The following NUDT8 variants were observed in gnomAD, a reference collection of about 807,000 sequenced individuals.
The protein encoded by NUDT8 is mitochondrial coenzyme A diphosphatase NUDT8.
Under a neutral mutation model 12.5 loss-of-function variants are expected in NUDT8, and 14 were observed. That is an observed-to-expected ratio of 1.12 (90% confidence interval 0.74 to 1.75). NUDT8 has a LOEUF of 1.75. Among genes scored for constraint, NUDT8 ranks in the 40% most tolerant of loss-of-function variants. The probability of loss-of-function intolerance (pLI) is 0.00; values close to 1 mark genes in which losing one functional copy is unlikely to be tolerated. For synonymous variants in NUDT8, 163 were observed against 156.2 expected (o/e 1.04, Z -0.33); for missense variants, 337 against 318.5 (o/e 1.06, Z -0.44).
Position 67,629,702 on chromosome 11 carries a change from T to C in NUDT8, c.194+16A>G. On this transcript the variant is annotated intron_variant, in intron 1 of 3. Transcript: ENST00000376693. The stretch of plus-strand genomic sequence containing the variant: ...GTAGCCTCCGGCAAAGGGCGAGGAG[T>C]TCCCGGCCGCTGTACCTGACGTCGC... 6.8e-7 allele frequency: 1 copy of C among 1,460,682 alleles called. No individual in the cohort carries two copies. Among genetic ancestry groups the C allele is most frequent in the African/African-American group, 1.5e-5 (1 of 67,636 alleles). 90.5% of individuals were successfully genotyped at this position (1,460,682 alleles called of 1,614,324 possible).
rs1855178004 is a variant in NUDT8 at position 67,629,743 on chromosome 11, TC to T, written c.168del (p.Thr57ProfsTer65). The T allele has an allele frequency of 6.5e-7, 1 of 1,542,036 alleles. No homozygotes were observed. The highest frequency in any genetic ancestry group is 8.7e-7 in the Non-Finnish European group (1 of 1,150,190). On this transcript the variant is annotated frameshift_variant, in exon 1 of 4. Transcript: ENST00000376693. LOFTEE classifies it high-confidence loss of function. ...CTGACGTCGCCCTTGTGCCTCCCGG[TC>T]AGGCGGCTGGACCGCAGCGTGTACA... ...ALLYTLRSSRLTGRHKGDVSF... is the reference protein window; with the variant it reads ...ALLYTLRSSRXTGRHKGDVSF...
chr11:67,629,122 G>T (rs544677667), intron 1 of NUDT8, 71 bp from the exon 2 acceptor site: 2 of 1,478,756 alleles, frequency 1.4e-6, no homozygotes, highest in East Asian at 4.7e-5. Flanking sequence ...CGGCAGTGCG[G>T]GGGGGGCCAC....
chr11:67,628,167 A>G lies in NUDT8; in HGVS notation c.490T>C (p.Phe164Leu), dbSNP rs1344999275. The part of the protein sequence containing the change: ...GYTHFCRGGH[F>L]RYTLPVFLHG... ...AGGAAGACGGGTAGTGTGTAGCGGA[A>G]GTGGCCACCCCGGCAGAAGTGGGTA... is the stretch of plus-strand genomic sequence containing the variant. The change falls in exon 4 of 4, where the codon TTC becomes CTC. Residue 164 changes from phenylalanine (F) to leucine (L), a missense_variant. Physicochemically the swap from Phe to Leu is conservative, Grantham distance 22 (BLOSUM62 0). Coordinates refer to ENST00000376693, the MANE Select transcript of NUDT8 (RefSeq NM_001243750.2). The G allele has an allele frequency of 1.2e-6, 2 of 1,605,358 alleles. No homozygotes were observed. The highest frequency in any genetic ancestry group is 1.7e-6 in the Non-Finnish European group (2 of 1,179,830).
Position 67,629,785 on chromosome 11 carries a change from CA to C in NUDT8, c.126del (p.Val44SerfsTer13). On this transcript the variant is annotated frameshift_variant, in exon 1 of 4. Coordinates refer to ENST00000376693, the MANE Select transcript of NUDT8 (RefSeq NM_001243750.2). LOFTEE classifies it high-confidence loss of function. ...AGCGTGTACAGCAGCGCCGGGACCC[CA>C]CGCACTGAGCAGAGCGGCACGAGCA... ...AAVLVPLCSV[R>X]GVPALLYTLR... 6.5e-7 allele frequency: 1 copy of C among 1,529,612 alleles called. No homozygotes were observed. Among genetic ancestry groups the C allele is most frequent in the Admixed American group, 1.9e-5 (1 of 51,556 alleles). The allele number at this position is 1,529,612 out of a possible 1,614,324, so 94.8% of individuals were successfully genotyped here.
intron 1 of NUDT8, 59 bp downstream of exon 1, chr11:67,629,659 T>C: frequency 9.2e-7 from 1 of 1,091,968 alleles, no homozygotes. Context: ...CAGAGGTCCC[T>C]GCCAGCCCCG....
At chr11:67,629,137 C>T (rs1855164177) in intron 1 of NUDT8, 86 bp from the exon 2 acceptor site, 4 of 1,406,384 alleles carry the variant, frequency 2.8e-6, no homozygotes, top group Non-Finnish European at 3.8e-6. Context: ...GGCCACTGGC[C>T]CACCGAAGTG....
Position 67,629,819 on chromosome 11 carries a change from C to A in NUDT8, c.93G>T (p.Ser31=). 2 of 1,399,676 alleles carry A rather than the reference C, an allele frequency of 1.4e-6. No homozygotes were observed. The highest frequency in any genetic ancestry group is 2.9e-5 in the East Asian group (1 of 34,114). 86.7% of individuals were successfully genotyped at this position (1,399,676 alleles called of 1,614,324 possible). The change falls in exon 1 of 4, where the codon TCG becomes TCT. Residue 31 remains serine, a synonymous_variant. Transcript: ENST00000376693. Reference sequence around the variant, plus strand: ...AGCAGAGCGGCACGAGCACCGCGGCCGACGCGGGCCGCGCGCGGAGCCGGG... The same window carrying A: ...AGCAGAGCGGCACGAGCACCGCGGCAGACGCGGGCCGCGCGCGGAGCCGGG... ...ATARLRARPA[S]AAVLVPLCSV... is the part of the protein sequence containing the mutation.
chr11:67,629,743 T>C lies in NUDT8; in HGVS notation c.169A>G (p.Thr57Ala). Residue 57 changes from threonine to alanine, a missense_variant, in exon 1 of 4, where the codon ACC (threonine) becomes GCC (alanine). Coordinates refer to ENST00000376693, the MANE Select transcript of NUDT8 (RefSeq NM_001243750.2). ...LLYTLRSSRL[T>A]GRHKGDVSFP... is the part of the protein sequence containing the mutation. ...CTGACGTCGCCCTTGTGCCTCCCGGTCAGGCGGCTGGACCGCAGCGTGTAC... is the reference window on the plus strand; with the variant it reads ...CTGACGTCGCCCTTGTGCCTCCCGGCCAGGCGGCTGGACCGCAGCGTGTAC... 6.5e-7 allele frequency: 1 copy of C among 1,542,156 alleles called. No homozygotes were observed.
At chr11:67,629,683 T>A (rs774452599) in intron 1 of NUDT8, 35 bp downstream of exon 1, 2 of 1,335,958 alleles carry the variant, frequency 1.5e-6, no homozygotes, top group Admixed American at 5.6e-5. Flanking sequence ...TCCTGTAGCC[T>A]CCGGCAAAGG....
intron 1 of NUDT8, chr11:67,629,301 G>A (rs771829649): frequency 2.2e-6 from 1 of 452,274 alleles, no homozygotes; most frequent in Non-Finnish European, 3.9e-6. Flanking sequence ...AAGATCCTGG[G>A]GCTCAGATAC....
chr11:67,628,866 G>A, intron 2 of NUDT8, 53 bp downstream of exon 2: 1 of 1,562,082 alleles, frequency 6.4e-7, no homozygotes, highest in Non-Finnish European at 8.7e-7. Context: ...CCAGCTCCAG[G>A]GCAGGCACAG....
Position 67,629,002 on chromosome 11 carries a change from C to T in NUDT8, c.244G>A (p.Ala82Thr), listed in dbSNP as rs1408715038. The change falls in exon 2 of 4, where the codon GCC becomes ACC. Residue 82 changes from alanine (A) to threonine (T), a missense_variant. By Grantham distance (58) the Ala-to-Thr change is moderately conservative (BLOSUM62 0). Transcript: ENST00000376693. The stretch of plus-strand genomic sequence containing the variant: ...AGCTCCTCCCGGGTTTCCCGCAGGG[C>T]CGTGTGCACCACATCTTGGTCAGCC... Reference protein sequence around the residue: ...DPADQDVVHTALRETREELGL... With the variant: ...DPADQDVVHTTLRETREELGL... 6.2e-7 allele frequency: 1 copy of T among 1,612,930 alleles called. No homozygotes were observed. Among genetic ancestry groups the T allele is most frequent in the Non-Finnish European group, 8.5e-7 (1 of 1,179,854 alleles).
Position 67,629,726 on chromosome 11 carries a change from G to C in NUDT8, c.186C>G (p.Gly62=). 1 of 1,528,706 alleles carries C rather than the reference G, an allele frequency of 6.5e-7. No homozygotes were observed. The highest frequency in any genetic ancestry group is 8.8e-7 in the Non-Finnish European group (1 of 1,140,998). 94.7% of individuals were successfully genotyped at this position (1,528,706 alleles called of 1,614,324 possible). A position where few individuals can be genotyped will look rare whatever the true frequency, so the allele number is the denominator to read the frequency against. The change falls in exon 1 of 4, where the codon GGC becomes GGG. Residue 62 remains glycine, a synonymous_variant. Coordinates refer to ENST00000376693, the MANE Select transcript of NUDT8 (RefSeq NM_001243750.2). ...GTTCCCGGCCGCTGTACCTGACGTCGCCCTTGTGCCTCCCGGTCAGGCGGC... is the reference window on the plus strand; with the variant it reads ...GTTCCCGGCCGCTGTACCTGACGTCCCCCTTGTGCCTCCCGGTCAGGCGGC... ...RSSRLTGRHK[G]DVSFPGGKCD... is the part of the protein sequence containing the mutation.
intron 3 of NUDT8, 31 bp from the exon 4 acceptor site, chr11:67,628,282 A>G: frequency 6.2e-7 from 1 of 1,613,632 alleles, no homozygotes; most frequent in Non-Finnish European, 8.5e-7. Flanking sequence ...GGGTAGACAG[A>G]GGACTGGAAC....
chr11:67,628,809 C>G (rs1342091494), intron 2 of NUDT8, 110 bp downstream of exon 2: 7 of 1,407,700 alleles, frequency 5.0e-6, no homozygotes, highest in Non-Finnish European at 6.8e-6. Flanking sequence ...CCCTTCCACA[C>G]TTTGTGCCCG....
chr11:67,628,826 T>A (rs767921358), intron 2 of NUDT8, 93 bp downstream of exon 2: 325 of 1,476,170 alleles, frequency 2.2e-4, no homozygotes, highest in Non-Finnish European at 2.9e-4. Flanking sequence ...CCCGTGGGGG[T>A]CCATGACCAC....
Position 67,627,992 on chromosome 11 carries a change from G to T in NUDT8, c.665C>A (p.Ser222Ter). ...TGGAGTGGAGCTGGCCTGACAGGGT[G>T]AAGCCAGGGGCTGCTTAGGGCGGGC... ...GLARPKQPLA[S>*]PCQASSTPGL... is the part of the protein sequence containing the mutation. Residue 222 changes from serine to a stop codon, truncating the protein, a stop_gained, in exon 4 of 4, where the codon TCA becomes TAA. Transcript: ENST00000376693. LOFTEE classifies it low-confidence loss of function (END_TRUNC). 6.3e-7 allele frequency: 1 copy of T among 1,597,196 alleles called. No homozygotes were observed. The highest frequency in any genetic ancestry group is 1.1e-5 in the South Asian group (1 of 91,030).
At position 67,628,321 on chromosome 11, in the gene NUDT8, A is replaced by T. The variant is rs1463336510; in HGVS notation, c.405+2T>A. On this transcript the variant is annotated splice_donor_variant, in intron 3 of 3. Coordinates refer to ENST00000376693, the MANE Select transcript of NUDT8 (RefSeq NM_001243750.2). LOFTEE classifies it high-confidence loss of function. ...CCAACCCCCTCATATCCCCCAGCTC[A>T]CCTCCTCCGAGTTGGGCCTGAGGCT... 3.7e-6 allele frequency: 6 copies of T among 1,613,204 alleles called. No individual in the cohort carries two copies. Among genetic ancestry groups the T allele is most frequent in the Non-Finnish European group, 4.2e-6 (5 of 1,179,692 alleles).
chr11:67,629,129 C>G (rs888727493), intron 1 of NUDT8, 78 bp from the exon 2 acceptor site: 13 of 1,418,420 alleles, frequency 9.2e-6, no homozygotes, highest in South Asian at 2.7e-5. Context: ...GCGGGGGGGG[C>G]CACTGGCCCA....
Sources: allele counts gnomAD v4.1 joint callset, GRCh38; gene constraint gnomAD v4.1.1; transcripts MANE v1.5; gene names NCBI Gene and HGNC (gene_info 2026-07-23, HGNC 2026-07-21).